TCF3: variants seen among roughly 807,000 people sequenced by gnomAD.
TCF3 encodes transcription factor E2-alpha.
TCF3 carries 54 observed loss-of-function variants against 72.3 expected under a neutral mutation model. The observed-to-expected ratio is 0.75, with a 90% CI of 0.60 to 0.94. The LOEUF (loss-of-function observed/expected upper bound fraction) is 0.94, where lower values mean the gene tolerates loss of function less well. Ranked by LOEUF, TCF3 falls within the 40% of genes least tolerant of loss-of-function variation. The pLI, the probability that TCF3 is intolerant of heterozygous loss-of-function variation, is 0.00. For synonymous variants in TCF3, 525 were observed against 412.6 expected (o/e 1.27, Z -3.30); for missense variants, 1,078 against 934.4 (o/e 1.15, Z -2.00).
chr19:1,629,434 A>G (rs1281882512), intron 5 of TCF3, among the ~76,000 whole-genome samples: 1 of 152,094 alleles, frequency 6.6e-6, no homozygotes, highest in African/African-American at 2.4e-5. Context: ...GCTCAGTGAC[A>G]AAGGACAGGT....
In TCF3 at chr19:1,619,343, C is replaced by G; in HGVS notation, c.1299G>C (p.Met433Ile). 6.3e-7 allele frequency: 1 copy of G among 1,582,476 alleles called. No individual in the cohort carries two copies. Among genetic ancestry groups the G allele is most frequent in the South Asian group, 1.1e-5 (1 of 89,636 alleles). ...GALASGFTGP[M>I]SLGGRHAGLV... ...GGCCTGCGTGCCGCCCGCCCAGTGA[C>G]ATGGGGCCGGTGAAACCTGAGGCCA... is the stretch of plus-strand genomic sequence containing the variant. Residue 433 changes from methionine (M) to isoleucine (I), a missense_variant, in exon 15 of 19, where the codon ATG (methionine) becomes ATC (isoleucine). By Grantham distance (10) the Met-to-Ile change is conservative. Coordinates refer to ENST00000262965, the MANE Select transcript of TCF3 (RefSeq NM_003200.5).
rs10531649 is a variant in TCF3 at position 1,642,129 on chromosome 19, T to TACACAC, written c.145+4220_145+4225dup. On this transcript the variant is annotated intron_variant, in intron 3 of 18. Transcript: ENST00000262965. ...TGCATGTCTCAAAACTGCACAGAAC[T>TACACAC]ACACACACACACACACACACACACA... Among the ~76,000 whole-genome samples the TACACAC allele has an allele frequency of 8.3e-3, 1,228 of 147,336 alleles. 27 individuals carry two copies. In the East Asian group the frequency reaches 0.095, roughly 11 times the overall value.
At chr19:1,635,666 C>T (rs1264523889) in intron 3 of TCF3, among the ~76,000 whole-genome samples, 1 of 152,178 alleles carries the variant, frequency 6.6e-6, no homozygotes, top group African/African-American at 2.4e-5. Context: ...AAAATATTCT[C>T]CACCTCTGCT....
Position 1,619,345 on chromosome 19 carries a change from T to C in TCF3, c.1297A>G (p.Met433Val), listed in dbSNP as rs565387667. 6.9e-6 allele frequency: 11 copies of C among 1,582,992 alleles called. No homozygotes were observed. Among genetic ancestry groups the C allele is most frequent in the African/African-American group, 5.4e-5 (4 of 74,646 alleles). The change falls in exon 15 of 19, where the codon ATG (methionine) becomes GTG (valine). Residue 433 changes from methionine (M) to valine (V), a missense_variant. Physicochemically the swap from Met to Val is conservative, Grantham distance 21. Coordinates refer to ENST00000262965, the MANE Select transcript of TCF3 (RefSeq NM_003200.5). The stretch of plus-strand genomic sequence containing the variant: ...CCTGCGTGCCGCCCGCCCAGTGACA[T>C]GGGGCCGGTGAAACCTGAGGCCAGC... ...GALASGFTGPMSLGGRHAGLV... is the reference protein window; with the variant it reads ...GALASGFTGPVSLGGRHAGLV...
At chr19:1,624,051 C>T in intron 7 of TCF3, 51 bp from the exon 8 acceptor site, 1 of 1,578,432 alleles carries the variant, frequency 6.3e-7, no homozygotes, top group Non-Finnish European at 8.7e-7. Flanking sequence ...GAGAACAACC[C>T]CTGCCCTACA....
At position 1,615,357 on chromosome 19, in the gene TCF3, T is replaced by C; in HGVS notation, c.1750A>G (p.Lys584Glu). Residue 584 changes from lysine (K) to glutamate (E), a missense_variant, in exon 18 of 19, where the codon AAG becomes GAG. By Grantham distance (56) the Lys-to-Glu change is moderately conservative (BLOSUM62 1). Coordinates refer to ENST00000262965, the MANE Select transcript of TCF3 (RefSeq NM_003200.5). The surrounding 1 kb of genome is among the most constrained non-coding windows in gnomAD (Gnocchi z 7.3). Reference sequence around the variant, plus strand: ...AGGATGAGCAGTTTGGTCTGGGGCTTCTCGCTGTTGAGGTGCAGTTGGCAC... The same window carrying C: ...AGGATGAGCAGTTTGGTCTGGGGCTCCTCGCTGTTGAGGTGCAGTTGGCAC... ...RMCQLHLNSE[K>E]PQTKLLILHQ... 6.2e-7 allele frequency: 1 copy of C among 1,613,764 alleles called. No individual in the cohort carries two copies.
rs755572430 is a variant in TCF3 at position 1,621,976 on chromosome 19, G to A, written c.823-6C>T. 1 of 1,604,042 alleles carries A rather than the reference G, an allele frequency of 6.2e-7. No individual in the cohort carries two copies. Among genetic ancestry groups the A allele is most frequent in the Admixed American group, 1.7e-5 (1 of 59,050 alleles). On this transcript the variant is annotated splice_region_variant and splice_polypyrimidine_tract_variant and intron_variant, in intron 10 of 18. Coordinates refer to ENST00000262965, the MANE Select transcript of TCF3 (RefSeq NM_003200.5). The stretch of plus-strand genomic sequence containing the variant: ...GCTCCATGCAGCTGGTAGCCCTGGG[G>A]GGTCAGGCAGGAGGAGGGTGGGTTA...
intron 5 of TCF3, among the ~76,000 whole-genome samples, chr19:1,631,505 G>T (rs2063710321): frequency 6.6e-6 from 1 of 152,052 alleles, no homozygotes; most frequent in African/African-American, 2.4e-5. Context: ...CTGACCTCAG[G>T]TGATCCACCC....
At chr19:1,622,972 T>C (rs1436951182) in intron 8 of TCF3, among the ~76,000 whole-genome samples, 1 of 152,048 alleles carries the variant, frequency 6.6e-6, no homozygotes, top group Non-Finnish European at 1.5e-5. Flanking sequence ...GTATGCTGGG[T>C]GGGCCTGATG....
chr19:1,625,746 C>T, intron 6 of TCF3, 38 bp from the exon 7 acceptor site: 3 of 1,465,636 alleles, frequency 2.0e-6, no homozygotes, highest in Non-Finnish European at 2.7e-6. Flanking sequence ...GCCCAGCTGG[C>T]ATCCAGACCC....
intron 1 of TCF3, chr19:1,650,992 T>C (rs1322994138): frequency 4.3e-6 from 1 of 231,368 alleles, no homozygotes; most frequent in East Asian, 6.1e-5. Context: ...TAGATTGCTT[T>C]ACTGTCGCGA....
chr19:1,637,108 A>G (rs2064527177), intron 3 of TCF3, among the ~76,000 whole-genome samples: 1 of 151,640 alleles, frequency 6.6e-6, no homozygotes, highest in Admixed American at 6.6e-5. Context: ...CTCCGCCAGA[A>G]CCGGGGACAA....
At position 1,625,599 on chromosome 19, in the gene TCF3, C is replaced by A; in HGVS notation, c.476G>T (p.Arg159Leu). ...YYPSYSGSSR[R>L]RAADGSLDTQ... is the part of the protein sequence containing the mutation. ...ACCTAGGCTGCCGTCTGCCGCTCTC[C>A]GCCGGGAGCTGCCGGAGTAGGAGGG... is the stretch of plus-strand genomic sequence containing the variant. The change falls in exon 7 of 19, where the codon CGG becomes CTG. Residue 159 changes from arginine to leucine, a missense_variant. Transcript: ENST00000262965. 6.3e-7 allele frequency: 1 copy of A among 1,586,134 alleles called. No individual in the cohort carries two copies. Among genetic ancestry groups the A allele is most frequent in the East Asian group, 2.4e-5 (1 of 41,278 alleles).
chr19:1,639,969 G>A (rs2065008415), intron 3 of TCF3, among the ~76,000 whole-genome samples: 1 of 152,074 alleles, frequency 6.6e-6, no homozygotes, highest in East Asian at 1.9e-4. Context: ...TTGATCAATT[G>A]ATCAATATCG....
intron 3 of TCF3, among the ~76,000 whole-genome samples, chr19:1,641,030 T>C (rs1311374015): frequency 6.6e-6 from 1 of 150,976 alleles, no homozygotes; most frequent in Admixed American, 6.6e-5. Context: ...GGCACCTATA[T>C]TCCCAGCTAC....
At chr19:1,639,378 G>C (rs2064914533) in intron 3 of TCF3, among the ~76,000 whole-genome samples, 1 of 151,934 alleles carries the variant, frequency 6.6e-6, no homozygotes, top group Non-Finnish European at 1.5e-5. Flanking sequence ...ACAATGGCTC[G>C]ACCCACAACG....
In TCF3 at chr19:1,615,714, C is replaced by CCTT. The variant is rs745997653; in HGVS notation, c.1555_1557dup (p.Lys519dup). On this transcript the variant is annotated inframe_insertion, in exon 17 of 19. Coordinates refer to ENST00000262965, the MANE Select transcript of TCF3 (RefSeq NM_003200.5). The surrounding 1 kb of genome is among the most constrained non-coding windows in gnomAD (Gnocchi z 7.3). Reference sequence around the variant, plus strand: ...GTCCGGGCCCGGGGGGCCTTCAGCTCCTTCTTCTCCTCCTCCGAGTGGTCA... The same window carrying CCTT: ...GTCCGGGCCCGGGGGGCCTTCAGCTCCTTCTTCTTCTCCTCCTCCGAGTGGTCA... The CCTT allele has an allele frequency of 1.2e-5, 19 of 1,613,304 alleles. No homozygotes were observed. In the Admixed American group the frequency reaches 3.0e-4, roughly 25 times the overall value.
In TCF3 at chr19:1,611,639, C is replaced by G. The variant is rs560197162; in HGVS notation, c.*68G>C. ...TGGATGTGGATGAAGCCCGGGGTCT[C>G]GAGTGGCCGTTCTGGGGCCAGAGCA... On this transcript the variant is annotated 3_prime_UTR_variant, in exon 19 of 19. Coordinates refer to ENST00000262965, the MANE Select transcript of TCF3 (RefSeq NM_003200.5). 1 of 1,554,634 alleles carries G rather than the reference C, an allele frequency of 6.4e-7. No individual in the cohort carries two copies. The highest frequency in any genetic ancestry group is 8.7e-7 in the Non-Finnish European group (1 of 1,148,342).
chr19:1,636,989 G>A (rs1026281763), intron 3 of TCF3, among the ~76,000 whole-genome samples: 3 of 152,088 alleles, frequency 2.0e-5, no homozygotes, highest in Admixed American at 1.3e-4. Context: ...GTGGCAGGAC[G>A]TGCCCTCGGG....
Sources: allele counts gnomAD v4.1 joint callset (sites outside exome capture counted in the v4.1 genomes callset), GRCh38; gene constraint gnomAD v4.1.1; non-coding constraint Gnocchi (gnomAD v3.1); transcripts MANE v1.5; gene names NCBI Gene and HGNC (gene_info 2026-07-23, HGNC 2026-07-21).